DNAJB12: variants seen among roughly 807,000 people sequenced by gnomAD.
The protein encoded by DNAJB12 is DnaJ heat shock protein family (Hsp40) member B12.
In DNAJB12, 14 loss-of-function variants were observed where a neutral mutation model predicts 40.6. The ratio of observed to expected loss-of-function variants is 0.34; its 90% CI spans 0.23 to 0.54. The LOEUF is 0.54. Ranked by LOEUF, DNAJB12 falls within the 20% of genes least tolerant of loss-of-function variation. DNAJB12 has a pLI of 0.92. For missense variants in DNAJB12, 444 were observed against 501.7 expected, an observed-to-expected ratio of 0.89 and a Z score of 1.10; for synonymous variants, 181 against 199.5, an observed-to-expected ratio of 0.91 and a Z score of 0.78.
chr10:72,351,394 C>A (rs568631172), intron 1 of DNAJB12, among the ~76,000 whole-genome samples: 1 of 152,248 alleles, frequency 6.6e-6, no homozygotes, highest in African/African-American at 2.4e-5. Flanking sequence ...GTGTGAGGTC[C>A]CTCATCCTTT....
intron 3 of DNAJB12, among the ~76,000 whole-genome samples, chr10:72,342,686 AG>A (rs777812561): frequency 4.6e-5 from 7 of 152,236 alleles, no homozygotes; most frequent in Non-Finnish European, 8.8e-5. Flanking sequence ...GAATGAGAGA[AG>A]GAAGACATGG....
rs1300861788 is a variant in DNAJB12, at chr10:72,333,052, G to A, written c.*1596C>T. 1.3e-5 allele frequency: 2 copies of A among 152,616 alleles called. No homozygotes were observed. Among genetic ancestry groups the A allele is most frequent in the African/African-American group, 4.8e-5 (2 of 41,436 alleles). 9.5% of individuals were successfully genotyped at this position (152,616 alleles called of 1,614,324 possible). On this transcript the variant is annotated 3_prime_UTR_variant, in exon 9 of 9. Transcript: ENST00000444643. ...ACATCAGTTCTTATAATCTCTCTGG[G>A]CTGAAGTGGCTGCTTCATTGCAGGG...
chr10:72,338,036 TAA>T (rs763787762), intron 6 of DNAJB12, among the ~76,000 whole-genome samples, 164 bp downstream of exon 6: 3 of 152,172 alleles, frequency 2.0e-5, no homozygotes, highest in East Asian at 3.8e-4. Flanking sequence ...CTAAAAAGCT[TAA>T]GAGTCCTAGT....
At position 72,340,857 on chromosome 10, in the gene DNAJB12, C is replaced by T. The variant is rs143446268; in HGVS notation, c.655G>A (p.Val219Ile). 156 of 1,613,998 alleles carry T rather than the reference C, an allele frequency of 9.7e-5. No individual in the cohort carries two copies. The highest frequency in any genetic ancestry group is 1.3e-4 in the Admixed American group (8 of 60,002). ...GGGFPSSNVHVYSNGRMRYTY... is the reference protein window; with the variant it reads ...GGGFPSSNVHIYSNGRMRYTY... ...TAGCGCATGCGGCCGTTGCTGTAGACGTGGACGTTACCTGGGGGTCAGAGG... is the reference window on the plus strand; with the variant it reads ...TAGCGCATGCGGCCGTTGCTGTAGATGTGGACGTTACCTGGGGGTCAGAGG... The change falls in exon 5 of 9, where the codon GTC becomes ATC. Residue 219 changes from valine (V) to isoleucine (I), a missense_variant. Coordinates refer to ENST00000444643, the MANE Select transcript of DNAJB12 (RefSeq NM_017626.7).
chr10:72,344,648 A>T, intron 2 of DNAJB12, among the ~76,000 whole-genome samples: 1 of 152,228 alleles, frequency 6.6e-6, no homozygotes, highest in East Asian at 1.9e-4. Flanking sequence ...AGAGCTGTGT[A>T]AAGAGGCCTG....
intron 7 of DNAJB12, among the ~76,000 whole-genome samples, chr10:72,336,188 G>A (rs749287698): frequency 7.2e-5 from 11 of 152,180 alleles, no homozygotes; most frequent in Non-Finnish European, 1.2e-4. Flanking sequence ...GCCTCCCCAG[G>A]GTCCCACAGA....
At chr10:72,336,759 A>G in intron 6 of DNAJB12, 63 bp from the exon 7 acceptor site, 1 of 1,463,918 alleles carries the variant, frequency 6.8e-7, no homozygotes, top group Non-Finnish European at 9.5e-7. Context: ...CTCTAGGGGT[A>G]TGGGCCCCAA....
chr10:72,349,656 G>C (rs1861885832), intron 1 of DNAJB12, among the ~76,000 whole-genome samples: 2 of 152,166 alleles, frequency 1.3e-5, no homozygotes, highest in South Asian at 4.1e-4. Context: ...TCAACTACCA[G>C]AGATGAGCAG....
intron 1 of DNAJB12, among the ~76,000 whole-genome samples, chr10:72,346,165 T>A (rs1034244165): frequency 6.6e-6 from 1 of 152,114 alleles, no homozygotes; most frequent in Non-Finnish European, 1.5e-5. Flanking sequence ...TATTTTTTTT[T>A]ATTTGTTTGT....
In DNAJB12 at chr10:72,335,019, C is replaced by G; in HGVS notation, c.*31-402G>C. The G allele has an allele frequency of 9.5e-7, 1 of 1,054,612 alleles. No individual in the cohort carries two copies. The highest frequency in any genetic ancestry group is 1.1e-6 in the Non-Finnish European group (1 of 874,318). 65.3% of individuals were successfully genotyped at this position (1,054,612 alleles called of 1,614,324 possible). On this transcript the variant is annotated intron_variant, in intron 8 of 8. Transcript: ENST00000444643. This position sits in a 1 kb window ranked among gnomAD's most constrained non-coding sequence, Gnocchi z 4.4. The stretch of plus-strand genomic sequence containing the variant: ...GCTACCAGCAACTCTCATTTCCCCT[C>G]CACCCCTCCTGTGCTGAGCGGCTGC...
chr10:72,336,812 C>T, intron 6 of DNAJB12, 116 bp from the exon 7 acceptor site: 1 of 845,592 alleles, frequency 1.2e-6, no homozygotes, highest in Non-Finnish European at 1.8e-6. Context: ...TTGGTTCCCT[C>T]TCAAACCAGA....
chr10:72,342,340 G>A (rs1364213873), intron 3 of DNAJB12, among the ~76,000 whole-genome samples: 2 of 152,220 alleles, frequency 1.3e-5, no homozygotes, highest in African/African-American at 2.4e-5. Flanking sequence ...AGCCACATCT[G>A]ATTCCCATCC....
chr10:72,347,474 GA>G (rs1219611448), intron 1 of DNAJB12, among the ~76,000 whole-genome samples: 2 of 152,226 alleles, frequency 1.3e-5, no homozygotes, highest in East Asian at 3.8e-4. Flanking sequence ...CAGATGGTAG[GA>G]GACCAAAAGA....
chr10:72,346,222 G>T (rs1270391462), intron 1 of DNAJB12, among the ~76,000 whole-genome samples: 1 of 152,056 alleles, frequency 6.6e-6, no homozygotes, highest in East Asian at 1.9e-4. Flanking sequence ...GGAGTGCAGT[G>T]GTGCGATCTC....
At chr10:72,354,741 G>C (rs1271768808) in intron 1 of DNAJB12, 24 bp downstream of exon 1, 2 of 1,592,802 alleles carry the variant, frequency 1.3e-6, no homozygotes, top group African/African-American at 1.3e-5. Flanking sequence ...AATGTCCCCA[G>C]TCTCTCCGGC....
intron 1 of DNAJB12, among the ~76,000 whole-genome samples, chr10:72,348,905 G>A (rs1861866403): frequency 6.6e-6 from 1 of 152,214 alleles, no homozygotes; most frequent in African/African-American, 2.4e-5. Context: ...CCACCCCACT[G>A]TAGGAAGAGG....
chr10:72,353,899 C>T (rs1279700063), intron 1 of DNAJB12: 1 of 152,208 alleles, frequency 6.6e-6, no homozygotes, highest in Admixed American at 6.5e-5. Context: ...CCCGGTGTCT[C>T]TCTCCCCTCT....
chr10:72,346,258 G>T (rs1400894391), intron 1 of DNAJB12, among the ~76,000 whole-genome samples: 3 of 151,876 alleles, frequency 2.0e-5, no homozygotes, highest in Non-Finnish European at 4.4e-5. Flanking sequence ...CTACCTCCCA[G>T]GTTCAAGTGA....
intron 1 of DNAJB12, among the ~76,000 whole-genome samples, chr10:72,346,305 A>T (rs995539619): frequency 3.3e-5 from 5 of 150,652 alleles, no homozygotes; most frequent in Non-Finnish European, 1.5e-5. Flanking sequence ...CTGGTACTAC[A>T]GGCACGTGCC....
Sources: allele counts gnomAD v4.1 joint callset (sites outside exome capture counted in the v4.1 genomes callset), GRCh38; gene constraint gnomAD v4.1.1; non-coding constraint Gnocchi (gnomAD v3.1); transcripts MANE v1.5; gene names NCBI Gene and HGNC (gene_info 2026-07-23, HGNC 2026-07-21).